Variants in ABCC4 observed in about 807,000 individuals in gnomAD.
ABCC4 encodes ATP binding cassette subfamily C member 4 (PEL blood group), also known as ATP-binding cassette sub-family C member 4.
In ABCC4, 102 loss-of-function variants were observed where a neutral mutation model predicts 168.5. That is an observed-to-expected ratio of 0.61 (90% CI 0.52 to 0.71). The LOEUF (loss-of-function observed/expected upper bound fraction) is 0.71, where lower values mean the gene tolerates loss of function less well. ABCC4 is among the 30% of genes least tolerant of loss of function. The pLI is 0.00. For missense variants in ABCC4, 1,402 were observed against 1,605.8 expected, an observed-to-expected ratio of 0.87 and a Z score of 2.17; for synonymous variants, 617 against 590.7, an observed-to-expected ratio of 1.04 and a Z score of -0.65.
chr13:95,250,005 T>C (rs1322457277), intron 1 of ABCC4, among the ~76,000 whole-genome samples: 1 of 152,238 alleles, frequency 6.6e-6, no homozygotes, highest in Non-Finnish European at 1.5e-5. Flanking sequence ...AGGACCCTCC[T>C]ACTCTCTCTC....
chr13:95,176,223 CAGGGGGGGGGG>C (rs1306939588), intron 13 of ABCC4, among the ~76,000 whole-genome samples: 114 of 10,578 alleles, frequency 0.011, 35 homozygotes, highest in Non-Finnish European at 8.0e-3. Context: ...AAGCCGAGGG[CAGGGGGGGGGG>C]GGGGGGGGGG....
At chr13:95,237,928 C>T (rs2039820005) in intron 3 of ABCC4, among the ~76,000 whole-genome samples, 1 of 152,068 alleles carries the variant, frequency 6.6e-6, no homozygotes, top group Non-Finnish European at 1.5e-5. Context: ...GGCGCGGTGG[C>T]TCCCACCTGT....
intron 13 of ABCC4, among the ~76,000 whole-genome samples, chr13:95,171,378 TAGACTCCTG>T (rs2037468399): frequency 7.7e-6 from 1 of 129,830 alleles, no homozygotes; most frequent in Non-Finnish European, 1.6e-5. Context: ...ATTGTAAACG[TAGACTCCTG>T]GGAGCTACAA....
At chr13:95,056,198 C>T (rs1345274046) in intron 26 of ABCC4, among the ~76,000 whole-genome samples, 1 of 152,146 alleles carries the variant, frequency 6.6e-6, no homozygotes, top group Non-Finnish European at 1.5e-5. Flanking sequence ...AAACTTCGCT[C>T]TCTTAAAATA....
Position 95,234,721 on chromosome 13 carries a change from C to T in ABCC4, c.420G>A (p.Val140=), listed in dbSNP as rs2039716053. ...ALNTAYAYAT[V]LTFCTLILAI... ...CCAAAATGAGCGTGCAAAAAGTCAG[C>T]ACCGTGGCATAGGCGTACGCTGTGT... The change falls in exon 4 of 31, where the codon GTG becomes GTA. Residue 140 remains valine (V), a synonymous_variant. Coordinates refer to ENST00000645237, the MANE Select transcript of ABCC4 (RefSeq NM_005845.5). 6.2e-7 allele frequency: 1 copy of T among 1,613,960 alleles called. No individual in the cohort carries two copies. Among genetic ancestry groups the T allele is most frequent in the Non-Finnish European group, 8.5e-7 (1 of 1,180,002 alleles).
intron 9 of ABCC4, among the ~76,000 whole-genome samples, chr13:95,192,647 G>A (rs773768288): frequency 6.6e-6 from 1 of 152,186 alleles, no homozygotes; most frequent in Non-Finnish European, 1.5e-5. Context: ...GCTGGGCACG[G>A]TGGCTCATGC....
intron 21 of ABCC4, among the ~76,000 whole-genome samples, chr13:95,078,916 G>A (rs1486317385): frequency 6.6e-6 from 1 of 152,118 alleles, no homozygotes; most frequent in Non-Finnish European, 1.5e-5. Flanking sequence ...GATCCAAGTC[G>A]CCACTGTTTT....
chr13:95,037,079 G>C, intron 29 of ABCC4, among the ~76,000 whole-genome samples: 1 of 39,058 alleles, frequency 2.6e-5, no homozygotes, highest in East Asian at 8.1e-4. Context: ...GTGAGACTCT[G>C]TGTCCAAAAA....
intron 4 of ABCC4, 128 bp from the exon 5 acceptor site, chr13:95,210,909 C>T (rs2038936694): frequency 1.7e-6 from 1 of 601,358 alleles, no homozygotes; most frequent in Non-Finnish European, 3.0e-6. Context: ...ATCCCCACCC[C>T]CCCACTGCCC....
intron 11 of ABCC4, among the ~76,000 whole-genome samples, chr13:95,185,178 G>C (rs1214475514): frequency 1.3e-5 from 2 of 152,174 alleles, no homozygotes; most frequent in African/African-American, 4.8e-5. Flanking sequence ...CAATAGCAAA[G>C]GCACTGGGAA....
chr13:95,290,243 A>G (rs1045221026), intron 1 of ABCC4, among the ~76,000 whole-genome samples: 1 of 152,194 alleles, frequency 6.6e-6, no homozygotes, highest in African/African-American at 2.4e-5. Flanking sequence ...ATGGCTGTCC[A>G]GGTGATCCAA....
At chr13:95,050,286 C>T (rs1396954936) in intron 27 of ABCC4, among the ~76,000 whole-genome samples, 2 of 152,184 alleles carry the variant, frequency 1.3e-5, no homozygotes, top group Non-Finnish European at 2.9e-5. Flanking sequence ...ATCAGAATGC[C>T]CCCAGCCTCC....
intron 15 of ABCC4, 103 bp from the exon 16 acceptor site, chr13:95,164,621 T>C: frequency 8.3e-7 from 1 of 1,199,740 alleles, no homozygotes; most frequent in Non-Finnish European, 1.2e-6. Flanking sequence ...CAGGCAGAAG[T>C]CCAAAATGAT....
At chr13:95,033,850 C>T (rs1192424165) in intron 30 of ABCC4, among the ~76,000 whole-genome samples, 1 of 151,990 alleles carries the variant, frequency 6.6e-6, no homozygotes, top group Admixed American at 6.6e-5. Context: ...TTAGTAGAGA[C>T]GGGGTTTCTC....
intron 20 of ABCC4, among the ~76,000 whole-genome samples, chr13:95,112,952 CCTA>C (rs1414763242): frequency 6.6e-6 from 1 of 152,130 alleles, no homozygotes; most frequent in Non-Finnish European, 1.5e-5. Context: ...CAGGAAATTT[CCTA>C]CTATCTGAAT....
At chr13:95,224,289 T>G (rs4773850) in intron 4 of ABCC4, among the ~76,000 whole-genome samples, 46,341 of 151,256 alleles carry the variant, frequency 0.31, 7,272 homozygotes, top group East Asian at 0.44. Flanking sequence ...TGAAGGCCAG[T>G]TGACAATGGA....
Position 95,083,122 on chromosome 13 carries a change from C to A in ABCC4, c.2686+18G>T, listed in dbSNP as rs1380275518. ...AACTAGCTAGCATGTCTATACCAAC[C>A]CGAGTTTCCATACTCACTTGTAGAT... On this transcript the variant is annotated intron_variant, in intron 21 of 30. Transcript: ENST00000645237. The A allele has an allele frequency of 6.2e-7, 1 of 1,612,276 alleles. No individual in the cohort carries two copies. Among genetic ancestry groups the A allele is most frequent in the Admixed American group, 1.7e-5 (1 of 59,810 alleles).
rs771504856 is a variant in ABCC4 at position 95,166,193 on chromosome 13, G to T, written c.1999C>A (p.Pro667Thr). 2.5e-6 allele frequency: 4 copies of T among 1,614,018 alleles called. No individual in the cohort carries two copies. Among genetic ancestry groups the T allele is most frequent in the East Asian group, 4.5e-5 (2 of 44,880 alleles). The change falls in exon 15 of 31, where the codon CCC becomes ACC. Residue 667 changes from proline to threonine, a missense_variant. Transcript: ENST00000645237. ...SSVWSQQSSR[P>T]SLKDGALESQ... ...TCCAGAGCACCATCTTTCAAGGAGG[G>T]TCTAGAAGATTGTTGAGACCAAACC...
intron 1 of ABCC4, among the ~76,000 whole-genome samples, chr13:95,282,939 C>A (rs1470703068): frequency 6.6e-6 from 1 of 152,026 alleles, no homozygotes; most frequent in Non-Finnish European, 1.5e-5. Context: ...TAAAAACTGG[C>A]CAGGCACAGT....
Sources: gnomAD v4.1 joint callset for allele counts (sites outside exome capture counted in the v4.1 genomes callset) on GRCh38, gnomAD v4.1.1 for gene constraint, MANE v1.5 for transcripts, NCBI Gene and HGNC (gene_info 2026-07-23, HGNC 2026-07-21) for gene names.